The following CCSER1 variants were observed in gnomAD, a reference collection of about 807,000 sequenced individuals.
CCSER1 encodes the protein coiled-coil serine rich protein 1, also known as serine-rich coiled-coil domain-containing protein 1.
A neutral mutation model predicts 82.0 loss-of-function variants in CCSER1; 41 were observed. The observed-to-expected ratio is 0.50, with a 90% CI of 0.39 to 0.65. The LOEUF (loss-of-function observed/expected upper bound fraction) is 0.65, where lower values mean the gene tolerates loss of function less well. CCSER1 is among the 30% of genes least tolerant of loss of function. The pLI, the probability that CCSER1 is intolerant of heterozygous loss-of-function variation, is 0.00. For missense variants in CCSER1, 1,119 were observed against 1,064.2 expected (o/e 1.05, Z -0.72); for synonymous variants, 414 against 383.9 (o/e 1.08, Z -0.92).
intron 10 of CCSER1, among the ~76,000 whole-genome samples, chr4:91,433,360 C>T (rs1045326401): frequency 6.6e-6 from 1 of 152,066 alleles, no homozygotes; most frequent in South Asian, 2.1e-4. Flanking sequence ...TAAAGTGTAG[C>T]CTAAGCGTAC....
intron 10 of CCSER1, among the ~76,000 whole-genome samples, chr4:91,110,988 C>G (rs149011459): frequency 6.6e-6 from 1 of 151,828 alleles, no homozygotes; most frequent in Non-Finnish European, 1.5e-5. Context: ...ATAGTTGGCA[C>G]TTCTTAGGTG....
At position 91,037,253 on chromosome 4, in the gene CCSER1, C is replaced by T. The variant is rs2870283; in HGVS notation, c.2173-48697C>T. 1.9e-3 allele frequency among the ~76,000 whole-genome samples: 248 copies of T among 131,798 alleles called. 1 individual carries two copies. The highest frequency in any genetic ancestry group is 4.2e-3 in the South Asian group (17 of 4,048). The allele number at this position is 131,798 out of a possible 152,430, so 86.5% of individuals were successfully genotyped here. On this transcript the variant is annotated intron_variant, in intron 9 of 10. Transcript: ENST00000509176. ...TCTGTCACACACACACACACACACA[C>T]ACACATACATACACACACACACACA...
At chr4:90,838,969 C>T (rs562839766) in intron 8 of CCSER1, 3 of 1,612,496 alleles carry the variant, frequency 1.9e-6, no homozygotes, top group South Asian at 1.1e-5. Context: ...TTTTCTCTTG[C>T]GTCTCTGTCT....
rs1723151418 is a variant in CCSER1, at chr4:90,133,532, A to C, written c.-42+5701A>C. On this transcript the variant is annotated intron_variant, in intron 1 of 10. Coordinates refer to ENST00000509176, the MANE Select transcript of CCSER1 (RefSeq NM_001145065.2). Reference sequence around the variant, plus strand: ...TGTACAATAATAATATCACACATGAAATATTCTAAGTCCCACTGCTGAAAT... The same window carrying C: ...TGTACAATAATAATATCACACATGACATATTCTAAGTCCCACTGCTGAAAT... Among the ~76,000 whole-genome samples, 3 of 152,284 alleles carry C rather than the reference A, an allele frequency of 2.0e-5. No individual in the cohort carries two copies. In the South Asian group the frequency reaches 6.2e-4, roughly 32 times the overall value.
chr4:90,888,975 G>C (rs1286194337), intron 8 of CCSER1, among the ~76,000 whole-genome samples: 3 of 152,000 alleles, frequency 2.0e-5, no homozygotes, highest in African/African-American at 4.8e-5. Context: ...ATTGCATTTA[G>C]TGTCACATAG....
chr4:90,598,363 C>T (rs1285997742), intron 5 of CCSER1, among the ~76,000 whole-genome samples: 2 of 152,068 alleles, frequency 1.3e-5, no homozygotes, highest in Non-Finnish European at 2.9e-5. Context: ...TGGTGTGCTG[C>T]ACCCATTAAC....
intron 4 of CCSER1, among the ~76,000 whole-genome samples, chr4:90,443,113 A>G (rs569669350): frequency 6.6e-6 from 1 of 152,296 alleles, no homozygotes; most frequent in East Asian, 1.9e-4. Context: ...ATAAAATAGA[A>G]AAGTTATAAC....
intron 8 of CCSER1, among the ~76,000 whole-genome samples, chr4:90,921,437 G>A (rs867929660): frequency 1.3e-5 from 2 of 152,070 alleles, no homozygotes; most frequent in South Asian, 4.1e-4. Context: ...CTACAAGAGG[G>A]AGTAACAATG....
chr4:91,224,821 T>C (rs369192790), intron 10 of CCSER1, among the ~76,000 whole-genome samples: 2 of 151,906 alleles, frequency 1.3e-5, no homozygotes, highest in East Asian at 3.9e-4. Flanking sequence ...TTTTTAACCA[T>C]GAATAAATTC....
chr4:90,964,731 C>A (rs1201427666), intron 9 of CCSER1, among the ~76,000 whole-genome samples: 896 of 77,484 alleles, frequency 0.012, no homozygotes, highest in African/African-American at 0.017. Flanking sequence ...ACTCTGTCTC[C>A]AAAAAAAAAA....
intron 5 of CCSER1, among the ~76,000 whole-genome samples, chr4:90,610,238 A>G (rs1181409881): frequency 6.7e-6 from 1 of 149,076 alleles, no homozygotes; most frequent in African/African-American, 2.5e-5. Flanking sequence ...GGGCGACAGA[A>G]CAAGACTCCA....
chr4:90,866,706 T>C (rs1423433109), intron 8 of CCSER1, among the ~76,000 whole-genome samples: 1 of 152,072 alleles, frequency 6.6e-6, no homozygotes, highest in Non-Finnish European at 1.5e-5. Context: ...CTATTTTTTC[T>C]CATCTGCAGC....
intron 10 of CCSER1, among the ~76,000 whole-genome samples, chr4:91,519,307 A>G (rs948271874): frequency 3.3e-5 from 5 of 152,176 alleles, no homozygotes; most frequent in Admixed American, 6.5e-5. Context: ...GGGCTTCAAA[A>G]CAGCAAAGAT....
At chr4:91,515,577 A>G (rs942623328) in intron 10 of CCSER1, among the ~76,000 whole-genome samples, 3 of 152,028 alleles carry the variant, frequency 2.0e-5, no homozygotes, top group African/African-American at 4.8e-5. Context: ...GTGTATATAT[A>G]CCACATTTTC....
At chr4:91,299,036 G>C (rs1370092853) in intron 10 of CCSER1, among the ~76,000 whole-genome samples, 1 of 151,836 alleles carries the variant, frequency 6.6e-6, no homozygotes, top group African/African-American at 2.4e-5. Flanking sequence ...GTTGTGGGTG[G>C]GGTTCTGCAT....
chr4:91,102,440 T>A (rs1465768598), intron 10 of CCSER1, among the ~76,000 whole-genome samples: 1 of 152,212 alleles, frequency 6.6e-6, no homozygotes, highest in East Asian at 1.9e-4. Flanking sequence ...CTTGTTTATG[T>A]CTTTTCTTTT....
chr4:90,404,452 C>A (rs182403084), intron 4 of CCSER1, among the ~76,000 whole-genome samples: 21 of 152,254 alleles, frequency 1.4e-4, no homozygotes, highest in African/African-American at 4.8e-4. Context: ...GCCTGAGAAA[C>A]CTGAATACTT....
intron 10 of CCSER1, among the ~76,000 whole-genome samples, chr4:91,474,220 G>A (rs1315843535): frequency 1.3e-5 from 2 of 151,892 alleles, no homozygotes; most frequent in African/African-American, 4.8e-5. Flanking sequence ...ACCTTTGTAT[G>A]TAACATAAGT....
intron 1 of CCSER1, among the ~76,000 whole-genome samples, chr4:90,260,657 A>G (rs1424553046): frequency 1.3e-5 from 2 of 152,172 alleles, no homozygotes; most frequent in Non-Finnish European, 2.9e-5. Flanking sequence ...CTTATGTGTA[A>G]GATGAGTCTG....
Sources: gnomAD v4.1 joint callset for allele counts (sites outside exome capture counted in the v4.1 genomes callset) on GRCh38, gnomAD v4.1.1 for gene constraint, MANE v1.5 for transcripts, NCBI Gene and HGNC (gene_info 2026-07-23, HGNC 2026-07-21) for gene names.